Variants in ACACA observed in about 807,000 individuals in gnomAD.
ACACA encodes the protein acetyl-CoA carboxylase 1.
In ACACA, 103 loss-of-function variants were observed where a neutral mutation model predicts 296.1. That is an observed-to-expected ratio of 0.35 (90% CI 0.30 to 0.41). The LOEUF (loss-of-function observed/expected upper bound fraction) is 0.41. ACACA is among the 10% of genes least tolerant of loss of function. ACACA has a pLI of 1.00. For missense variants in ACACA, 1,554 were observed against 2,989.7 expected, an observed-to-expected ratio of 0.52 and a Z score of 11.20; for synonymous variants, 953 against 1,038.6, an observed-to-expected ratio of 0.92 and a Z score of 1.58.
At chr17:37,274,335 G>A in intron 8 of ACACA, 36 bp from the exon 9 acceptor site, 1 of 1,544,438 alleles carries the variant, frequency 6.5e-7, no homozygotes, top group Non-Finnish European at 9.0e-7. Flanking sequence ...GCAATTACAA[G>A]ATCTTCTGCT....
chr17:37,309,065 G>A (rs1264879830), intron 3 of ACACA, among the ~76,000 whole-genome samples: 1 of 151,992 alleles, frequency 6.6e-6, no homozygotes, highest in Non-Finnish European at 1.5e-5. Flanking sequence ...TGTTGCCTAG[G>A]CTGGAGTACA....
intron 45 of ACACA, among the ~76,000 whole-genome samples, chr17:37,141,721 T>TTTCTGAGATGG (rs2075589351): frequency 6.6e-6 from 1 of 152,136 alleles, no homozygotes; most frequent in African/African-American, 2.4e-5. Flanking sequence ...GATGGAGTTT[T>TTTCTGAGATGG]GCTGTTTTTG....
At chr17:37,336,865 T>A (rs1202270916) in intron 2 of ACACA, among the ~76,000 whole-genome samples, 5 of 152,168 alleles carry the variant, frequency 3.3e-5, no homozygotes, top group Non-Finnish European at 7.3e-5. Flanking sequence ...TACTTTAAAA[T>A]GTTTGGGAAT....
intron 3 of ACACA, among the ~76,000 whole-genome samples, chr17:37,307,976 C>A (rs1207870111): frequency 6.6e-6 from 1 of 151,626 alleles, no homozygotes; most frequent in Non-Finnish European, 1.5e-5. Flanking sequence ...CACAGAAGAA[C>A]AACAAACTGA....
At chr17:37,342,925 C>T (rs1295036235) in intron 1 of ACACA, among the ~76,000 whole-genome samples, 4 of 152,052 alleles carry the variant, frequency 2.6e-5, no homozygotes, top group Admixed American at 6.6e-5. Context: ...GAGATTTTGT[C>T]TCAAAAACAA....
At chr17:37,344,677 G>A (rs1451271590) in intron 1 of ACACA, among the ~76,000 whole-genome samples, 3 of 152,194 alleles carry the variant, frequency 2.0e-5, no homozygotes, top group Non-Finnish European at 2.9e-5. Flanking sequence ...AAAGCAGACA[G>A]AAGAGCAATA....
At chr17:37,156,053 CTTTT>C (rs60787242) in intron 42 of ACACA, among the ~76,000 whole-genome samples, 1 of 94,004 alleles carries the variant, frequency 1.1e-5, no homozygotes, top group East Asian at 3.6e-4. Flanking sequence ...TTCTTTCTTT[CTTTT>C]TTTTTTTTTT....
intron 36 of ACACA, 42 bp from the exon 37 acceptor site, chr17:37,192,347 G>A: frequency 1.3e-6 from 2 of 1,560,802 alleles, no homozygotes; most frequent in Middle Eastern, 1.7e-4. Flanking sequence ...ACAAGAGGCA[G>A]TTACAAAATT....
At chr17:37,159,451 G>A (rs1397830749) in intron 42 of ACACA, among the ~76,000 whole-genome samples, 1 of 152,052 alleles carries the variant, frequency 6.6e-6, no homozygotes, top group East Asian at 1.9e-4. Flanking sequence ...CGAACTCCTG[G>A]CCTCAAGTGA....
chr17:37,174,020 A>ATATATATATATATATATAT (rs552735515), intron 41 of ACACA, among the ~76,000 whole-genome samples: 2 of 16,794 alleles, frequency 1.2e-4, no homozygotes, highest in Non-Finnish European at 2.0e-4. Context: ...ATATATATAT[A>ATATATATATATATATATAT]TTTTTTTTTT....
At chr17:37,174,584 G>A (rs2077037201) in intron 41 of ACACA, among the ~76,000 whole-genome samples, 2 of 151,838 alleles carry the variant, frequency 1.3e-5, no homozygotes, top group South Asian at 4.1e-4. Context: ...CCAGGCTTGA[G>A]TGCAGTGGCG....
At chr17:37,260,277 TATATATATATATA>T (rs2081415784) in intron 11 of ACACA, among the ~76,000 whole-genome samples, 1 of 31,846 alleles carries the variant, frequency 3.1e-5, no homozygotes, top group African/African-American at 1.9e-4. Context: ...TATATATATA[TATATATATATATA>T]TATATATTTT....
intron 33 of ACACA, among the ~76,000 whole-genome samples, chr17:37,201,431 C>CAA (rs397946940): frequency 1.5e-5 from 2 of 133,772 alleles, no homozygotes; most frequent in African/African-American, 2.7e-5. Context: ...GAGACTGTCT[C>CAA]AAAAAAAAAA....
At chr17:37,095,290 T>G (rs1447420724) in intron 54 of ACACA, among the ~76,000 whole-genome samples, 2 of 152,210 alleles carry the variant, frequency 1.3e-5, no homozygotes, top group Non-Finnish European at 2.9e-5. Context: ...CACTAGAAGC[T>G]GCCAGTAGCC....
rs1048153665 is a variant in ACACA at position 37,120,304 on chromosome 17, T to G, written c.6274+1051A>C. 5.5e-4 allele frequency among the ~76,000 whole-genome samples: 83 copies of G among 151,168 alleles called. 2 individuals are homozygous for G. The highest frequency in any genetic ancestry group is 3.5e-3 in the Middle Eastern group (1 of 284). On this transcript the variant is annotated intron_variant, in intron 50 of 55. Transcript: ENST00000616317. The stretch of plus-strand genomic sequence containing the variant: ...TTTTTGAGACAGAGTCTTACCCTTT[T>G]GCCCAGGCTAAAGTGCAGTGGCACA...
rs537152361 is a variant in ACACA at position 37,346,075 on chromosome 17, C to T, written c.39-6225G>A. The stretch of plus-strand genomic sequence containing the variant: ...CCTGGGCGACAGAGAGGGACCCTAT[C>T]TCTAGAGGAAAAAAAACCCAGGAAA... On this transcript the variant is annotated intron_variant, in intron 1 of 55. Coordinates refer to ENST00000616317, the MANE Select transcript of ACACA (RefSeq NM_198834.3). Among the ~76,000 whole-genome samples, 14 of 152,056 alleles carry T rather than the reference C, an allele frequency of 9.2e-5. No individual in the cohort carries two copies. The East Asian group carries it at 2.7e-3, about 29-fold the overall frequency.
intron 51 of ACACA, among the ~76,000 whole-genome samples, chr17:37,112,712 C>T (rs1597853308): frequency 6.6e-6 from 1 of 152,116 alleles, no homozygotes; most frequent in Non-Finnish European, 1.5e-5. Context: ...GCGGGCGGTC[C>T]ACTAAAACGA....
intron 1 of ACACA, among the ~76,000 whole-genome samples, chr17:37,405,470 T>C (rs1403079112): frequency 6.6e-6 from 1 of 152,236 alleles, no homozygotes; most frequent in Non-Finnish European, 1.5e-5. Context: ...TATTTATTGA[T>C]GTGATGCATA....
intron 14 of ACACA, among the ~76,000 whole-genome samples, chr17:37,255,113 G>A (rs996032744): frequency 6.6e-6 from 1 of 151,026 alleles, no homozygotes; most frequent in East Asian, 1.9e-4. Context: ...AAAAAAAAAA[G>A]GAAAATACAG....
Sources: gnomAD v4.1 joint callset for allele counts (sites outside exome capture counted in the v4.1 genomes callset) on GRCh38, gnomAD v4.1.1 for gene constraint, MANE v1.5 for transcripts, NCBI Gene and HGNC (gene_info 2026-07-23, HGNC 2026-07-21) for gene names.